TPPP3: variants seen among roughly 807,000 people sequenced by gnomAD.
TPPP3 encodes the protein tubulin polymerization-promoting protein family member 3.
Under a neutral mutation model 13.1 loss-of-function variants are expected in TPPP3, and 7 were observed. That is an observed-to-expected ratio of 0.54 (90% CI 0.30 to 1.01). The LOEUF is 1.01. Ranked by LOEUF, TPPP3 falls within the 50% of genes least tolerant of loss-of-function variation. TPPP3 has a pLI of 0.06. For missense variants in TPPP3, 185 were observed against 235.0 expected (o/e 0.79, Z 1.39); for synonymous variants, 87 against 93.7 (o/e 0.93, Z 0.41).
chr16:67,390,424 G>A lies in TPPP3; in HGVS notation c.342+55C>T. On this transcript the variant is annotated intron_variant, in intron 3 of 3. Transcript: ENST00000393957. The surrounding 1 kb of genome is among the most constrained non-coding windows in gnomAD (Gnocchi z 6.4). ...GGGAGCCCAGCCCTTCCCACCCACA[G>A]CCACGATTCCCCACACCCCATTCCG... The A allele has an allele frequency of 6.2e-6, 10 of 1,606,434 alleles. No individual in the cohort carries two copies. Among genetic ancestry groups the A allele is most frequent in the Non-Finnish European group, 8.5e-6 (10 of 1,174,492 alleles).
rs369294188 is a variant in TPPP3 at position 67,390,408 on chromosome 16, G to A, written c.343-46C>T. ...CAGGGGCACCTGATGAGGGAGCCCA[G>A]CCCTTCCCACCCACAGCCACGATTC... On this transcript the variant is annotated intron_variant, in intron 3 of 3. Transcript: ENST00000393957. This position sits in a 1 kb window ranked among gnomAD's most constrained non-coding sequence, Gnocchi z 6.4. 2.0e-4 allele frequency: 327 copies of A among 1,607,310 alleles called. No individual in the cohort carries two copies. Among genetic ancestry groups the A allele is most frequent in the Non-Finnish European group, 2.6e-4 (307 of 1,175,092 alleles).
Position 67,390,183 on chromosome 16 carries a change from C to T in TPPP3, c.522G>A (p.Val174=). 1 of 1,614,098 alleles carries T rather than the reference C, an allele frequency of 6.2e-7. No homozygotes were observed. The highest frequency in any genetic ancestry group is 1.3e-5 in the African/African-American group (1 of 75,060). Residue 174 remains valine, a synonymous_variant, in exon 4 of 4, where the codon GTG becomes GTA. Coordinates refer to ENST00000393957, the MANE Select transcript of TPPP3 (RefSeq NM_015964.4). This position sits in a 1 kb window ranked among gnomAD's most constrained non-coding sequence, Gnocchi z 6.4. The part of the protein sequence containing the change: ...YKNAGTYDAK[V]KK ...GCGGTCTTCCCAAGCCTCACTTCTT[C>T]ACCTTGGCATCGTAGGTGCCTGCAT...
rs1316136515 is a variant in TPPP3, at chr16:67,392,970, AG to A, written c.-7+409del. ...ACTTGGTTCACCAAGGGTAACGTCCAGGGGAGCTTGGATGCCACAGGGTGCT... is the reference window on the plus strand; with the variant it reads ...ACTTGGTTCACCAAGGGTAACGTCCAGGGAGCTTGGATGCCACAGGGTGCT... On this transcript the variant is annotated intron_variant, in intron 1 of 3. Transcript: ENST00000393957. This position sits in a 1 kb window ranked among gnomAD's most constrained non-coding sequence, Gnocchi z 4.9. 1 of 985,388 alleles carries A rather than the reference AG, an allele frequency of 1.0e-6. No homozygotes were observed. The highest frequency in any genetic ancestry group is 1.7e-5 in the African/African-American group (1 of 57,248). 61.0% of individuals were successfully genotyped at this position (985,388 alleles called of 1,614,324 possible).
In TPPP3 at chr16:67,390,685, G is replaced by A; in HGVS notation, c.189-53C>T. ...TTCCCCTTTCTTTTTTCTCCCCCAG[G>A]GGAAAGCTCAAACACATTTGCTGCC... On this transcript the variant is annotated intron_variant, in intron 2 of 3. Coordinates refer to ENST00000393957, the MANE Select transcript of TPPP3 (RefSeq NM_015964.4). This position sits in a 1 kb window ranked among gnomAD's most constrained non-coding sequence, Gnocchi z 6.4. The A allele has an allele frequency of 1.3e-6, 2 of 1,566,832 alleles. No homozygotes were observed. The highest frequency in any genetic ancestry group is 2.2e-5 in the East Asian group (1 of 44,498).
At position 67,393,076 on chromosome 16, in the gene TPPP3, G is replaced by A. The variant is rs956620581; in HGVS notation, c.-7+304C>T. On this transcript the variant is annotated intron_variant, in intron 1 of 3. Coordinates refer to ENST00000393957, the MANE Select transcript of TPPP3 (RefSeq NM_015964.4). The surrounding 1 kb of genome is among the most constrained non-coding windows in gnomAD (Gnocchi z 5.4). Reference sequence around the variant, plus strand: ...GATGGATTCTTGGTCATCTCAGCGCGGTCAGGTGGCGCTGGGTTGCAGGCC... The same window carrying A: ...GATGGATTCTTGGTCATCTCAGCGCAGTCAGGTGGCGCTGGGTTGCAGGCC... The A allele has an allele frequency of 3.1e-5, 30 of 968,402 alleles. No homozygotes were observed. Among genetic ancestry groups the A allele is most frequent in the Non-Finnish European group, 3.4e-5 (28 of 814,448 alleles). 60.0% of individuals were successfully genotyped at this position (968,402 alleles called of 1,614,324 possible). A position where few individuals can be genotyped will look rare whatever the true frequency, so the allele number is the denominator to read the frequency against.
In TPPP3 at chr16:67,389,995, G is replaced by A. The variant is rs2040304809; in HGVS notation, c.*179C>T. ...GGAGCAGGAAGAGGAGGAGGAAGGG[G>A]CCGCAGAGCAGCCTGGGTCAGAGGC... On this transcript the variant is annotated 3_prime_UTR_variant, in exon 4 of 4. Transcript: ENST00000393957. 2 of 624,942 alleles carry A rather than the reference G, an allele frequency of 3.2e-6. No individual in the cohort carries two copies. The highest frequency in any genetic ancestry group is 3.0e-5 in the Admixed American group (1 of 33,840). 38.7% of individuals were successfully genotyped at this position (624,942 alleles called of 1,614,324 possible).
At position 67,391,220 on chromosome 16, in the gene TPPP3, G is replaced by C; in HGVS notation, c.-6-103C>G. Reference sequence around the variant, plus strand: ...CCTCAAACCTGCAAGACCTGGGCAGGTTCTGCTACAGAGTTGGTGCTGGAG... The same window carrying C: ...CCTCAAACCTGCAAGACCTGGGCAGCTTCTGCTACAGAGTTGGTGCTGGAG... On this transcript the variant is annotated intron_variant, in intron 1 of 3. Transcript: ENST00000393957. The surrounding 1 kb of genome is among the most constrained non-coding windows in gnomAD (Gnocchi z 6.3). The C allele has an allele frequency of 4.1e-6, 5 of 1,231,678 alleles. No homozygotes were observed. Among genetic ancestry groups the C allele is most frequent in the Non-Finnish European group, 5.7e-6 (5 of 883,078 alleles). 76.3% of individuals were successfully genotyped at this position (1,231,678 alleles called of 1,614,324 possible).
chr16:67,393,214 TG>T lies in TPPP3; in HGVS notation c.-7+165del, dbSNP rs1268718027. On this transcript the variant is annotated intron_variant, in intron 1 of 3. Transcript: ENST00000393957. This position sits in a 1 kb window ranked among gnomAD's most constrained non-coding sequence, Gnocchi z 5.4. ...GTCATCAATCAGCCGGACCAGGAGG[TG>T]GGGGCTGCGAGGTGGAATGCTTGGG... 2.9e-6 allele frequency: 2 copies of T among 684,834 alleles called. No homozygotes were observed. Among genetic ancestry groups the T allele is most frequent in the African/African-American group, 2.0e-5 (1 of 51,056 alleles). 42.4% of individuals were successfully genotyped at this position (684,834 alleles called of 1,614,324 possible). A position where few individuals can be genotyped will look rare whatever the true frequency, so the allele number is the denominator to read the frequency against.
Position 67,390,811 on chromosome 16 carries a change from G to A in TPPP3, c.188+113C>T, listed in dbSNP as rs766563944. The A allele has an allele frequency of 8.0e-5, 113 of 1,409,388 alleles. 1 individual carries two copies. Among genetic ancestry groups the A allele is most frequent in the Non-Finnish European group, 7.9e-5 (83 of 1,050,182 alleles). The allele number at this position is 1,409,388 out of a possible 1,614,324, so 87.3% of individuals were successfully genotyped here. A position where few individuals can be genotyped will look rare whatever the true frequency, so the allele number is the denominator to read the frequency against. ...GATATAAGGTTTGCCCTGGAAGAAC[G>A]ACCTTCGTGATCATGGTGTTTCCCT... On this transcript the variant is annotated intron_variant, in intron 2 of 3. Transcript: ENST00000393957. The surrounding 1 kb of genome is among the most constrained non-coding windows in gnomAD (Gnocchi z 6.4).
Position 67,393,093 on chromosome 16 carries a change from TTGCAGGCCGCAGCCCCATGGGTC to T in TPPP3, c.-7+264_-7+286del. On this transcript the variant is annotated intron_variant, in intron 1 of 3. Transcript: ENST00000393957. This position sits in a 1 kb window ranked among gnomAD's most constrained non-coding sequence, Gnocchi z 5.4. ...CTCAGCGCGGTCAGGTGGCGCTGGG[TTGCAGGCCGCAGCCCCATGGGTC>T]TGCAGGCCATGGATGGAGTGGCCAC... is the stretch of plus-strand genomic sequence containing the variant. The T allele has an allele frequency of 2.2e-6, 2 of 927,224 alleles. No homozygotes were observed. The highest frequency in any genetic ancestry group is 5.0e-5 in the South Asian group (1 of 20,190). The allele number at this position is 927,224 out of a possible 1,614,324, so 57.4% of individuals were successfully genotyped here. A position where few individuals can be genotyped will look rare whatever the true frequency, so the allele number is the denominator to read the frequency against.
In TPPP3 at chr16:67,390,240, C is replaced by T. The variant is rs1405049771; in HGVS notation, c.465G>A (p.Leu155=). ...AGGCGCTCACGTAGCCACTGTCGTC[C>T]AGGATGTCCTGCCGTCCCGCAATGC... ...GKGIAGRQDI[L]DDSGYVSAYK... is the part of the protein sequence containing the mutation. The change falls in exon 4 of 4, where the codon CTG becomes CTA. Residue 155 remains leucine (L), a synonymous_variant. Coordinates refer to ENST00000393957, the MANE Select transcript of TPPP3 (RefSeq NM_015964.4). This position sits in a 1 kb window ranked among gnomAD's most constrained non-coding sequence, Gnocchi z 6.4. 13 of 1,614,114 alleles carry T rather than the reference C, an allele frequency of 8.1e-6. No individual in the cohort carries two copies. Among genetic ancestry groups the T allele is most frequent in the Non-Finnish European group, 1.0e-5 (12 of 1,180,042 alleles).
rs754672026 is a variant in TPPP3, at chr16:67,391,048, C to T, written c.64G>A (p.Asp22Asn). Residue 22 changes from aspartate (D) to asparagine (N), a missense_variant, in exon 2 of 4, where the codon GAC (aspartate) becomes AAC (asparagine). By Grantham distance (23) the Asp-to-Asn change is conservative. Coordinates refer to ENST00000393957, the MANE Select transcript of TPPP3 (RefSeq NM_015964.4). This position sits in a 1 kb window ranked among gnomAD's most constrained non-coding sequence, Gnocchi z 6.3. ...ATCTCTTGCCCACTGGCCTTGGGGT[C>T]ACCATGGATGGCAAACTTGCGGAAG... is the stretch of plus-strand genomic sequence containing the variant. ...ESFRKFAIHG[D>N]PKASGQEMNG... is the part of the protein sequence containing the mutation. 4.5e-5 allele frequency: 73 copies of T among 1,614,132 alleles called. No homozygotes were observed. The highest frequency in any genetic ancestry group is 6.0e-5 in the Non-Finnish European group (71 of 1,180,046).
In TPPP3 at chr16:67,390,632, CCT is replaced by C. The variant is rs768426552; in HGVS notation, c.189-2_189-1del. The C allele has an allele frequency of 1.9e-6, 3 of 1,612,024 alleles. No individual in the cohort carries two copies. The highest frequency in any genetic ancestry group is 3.3e-5 in the Admixed American group (2 of 59,750). On this transcript the variant is annotated splice_acceptor_variant, in intron 2 of 3. Coordinates refer to ENST00000393957, the MANE Select transcript of TPPP3 (RefSeq NM_015964.4). LOFTEE classifies it high-confidence loss of function. The surrounding 1 kb of genome is among the most constrained non-coding windows in gnomAD (Gnocchi z 6.4). ...AGTTGATGACCCGAGCAGACTTCCCCCTGACAGGCATGTGGGCACCATGAGGG... is the reference window on the plus strand; with the variant it reads ...AGTTGATGACCCGAGCAGACTTCCCCGACAGGCATGTGGGCACCATGAGGG...
Position 67,391,413 on chromosome 16 carries a change from G to T in TPPP3, c.-6-296C>A. On this transcript the variant is annotated intron_variant, in intron 1 of 3. Transcript: ENST00000393957. The surrounding 1 kb of genome is among the most constrained non-coding windows in gnomAD (Gnocchi z 6.3). ...CAGAGTGGCACTGTCCAGAAAGACT[G>T]TTAGGGCAGCAGCTGGGGCCCTGGC... 3.3e-6 allele frequency: 1 copy of T among 305,322 alleles called. No homozygotes were observed. The highest frequency in any genetic ancestry group is 6.1e-6 in the Non-Finnish European group (1 of 164,312). The allele number at this position is 305,322 out of a possible 1,614,324, so 18.9% of individuals were successfully genotyped here. A position where few individuals can be genotyped will look rare whatever the true frequency, so the allele number is the denominator to read the frequency against.
Position 67,390,744 on chromosome 16 carries a change from G to A in TPPP3, c.189-112C>T, listed in dbSNP as rs892292842. ...TTATGCAATTGCGTTTCTTTCCCAC[G>A]TTTGGGGAAGTCGCAGGGGTCAGCA... On this transcript the variant is annotated intron_variant, in intron 2 of 3. Transcript: ENST00000393957. This position sits in a 1 kb window ranked among gnomAD's most constrained non-coding sequence, Gnocchi z 6.4. 9.4e-6 allele frequency: 14 copies of A among 1,497,060 alleles called. No individual in the cohort carries two copies. The highest frequency in any genetic ancestry group is 9.2e-5 in the South Asian group (7 of 76,068). 92.7% of individuals were successfully genotyped at this position (1,497,060 alleles called of 1,614,324 possible).
In TPPP3 at chr16:67,390,158, G is replaced by T. The variant is rs928525487; in HGVS notation, c.*16C>A. 1 of 1,610,672 alleles carries T rather than the reference G, an allele frequency of 6.2e-7. No individual in the cohort carries two copies. The highest frequency in any genetic ancestry group is 8.5e-7 in the Non-Finnish European group (1 of 1,177,392). On this transcript the variant is annotated 3_prime_UTR_variant, in exon 4 of 4. Transcript: ENST00000393957. This position sits in a 1 kb window ranked among gnomAD's most constrained non-coding sequence, Gnocchi z 6.4. The stretch of plus-strand genomic sequence containing the variant: ...GGCAGGGGCAGCCGCACTTGGCAGG[G>T]CGGTCTTCCCAAGCCTCACTTCTTC...
Position 67,390,361 on chromosome 16 carries a change from T to C in TPPP3, c.344A>G (p.Lys115Arg), listed in dbSNP as rs1009769452. The C allele has an allele frequency of 6.2e-7, 1 of 1,613,462 alleles. No individual in the cohort carries two copies. The highest frequency in any genetic ancestry group is 8.5e-7 in the Non-Finnish European group (1 of 1,179,446). Reference protein sequence around the residue: ...GKEPANVGVTKAKTGGAVDRL... With the variant: ...GKEPANVGVTRAKTGGAVDRL... ...GTCTACAGCACCCCCTGTTTTTGCTTTCTGTTTGGACAGAGTTTCCCCAGG... is the reference window on the plus strand; with the variant it reads ...GTCTACAGCACCCCCTGTTTTTGCTCTCTGTTTGGACAGAGTTTCCCCAGG... The change falls in exon 4 of 4, where the codon AAA (lysine) becomes AGA (arginine). Residue 115 changes from lysine (K) to arginine (R), a missense_variant and splice_region_variant. Lys to Arg is a conservative substitution (Grantham distance 26). Coordinates refer to ENST00000393957, the MANE Select transcript of TPPP3 (RefSeq NM_015964.4). The surrounding 1 kb of genome is among the most constrained non-coding windows in gnomAD (Gnocchi z 6.4).
In TPPP3 at chr16:67,391,196, C is replaced by G. The variant is rs2040324990; in HGVS notation, c.-6-79G>C. On this transcript the variant is annotated intron_variant, in intron 1 of 3. Transcript: ENST00000393957. The surrounding 1 kb of genome is among the most constrained non-coding windows in gnomAD (Gnocchi z 6.3). ...AAGCCCAGAACATCCCAGCCTCTAC[C>G]TCAAACCTGCAAGACCTGGGCAGGT... The G allele has an allele frequency of 7.0e-7, 1 of 1,430,906 alleles. No homozygotes were observed. The highest frequency in any genetic ancestry group is 9.6e-7 in the Non-Finnish European group (1 of 1,042,808). 88.6% of individuals were successfully genotyped at this position (1,430,906 alleles called of 1,614,324 possible). A position where few individuals can be genotyped will look rare whatever the true frequency, so the allele number is the denominator to read the frequency against.
chr16:67,391,192 C>T lies in TPPP3; in HGVS notation c.-6-75G>A. On this transcript the variant is annotated intron_variant, in intron 1 of 3. Transcript: ENST00000393957. The surrounding 1 kb of genome is among the most constrained non-coding windows in gnomAD (Gnocchi z 6.3). ...CCCCAAGCCCAGAACATCCCAGCCT[C>T]TACCTCAAACCTGCAAGACCTGGGC... The T allele has an allele frequency of 6.8e-7, 1 of 1,469,312 alleles. No homozygotes were observed. Among genetic ancestry groups the T allele is most frequent in the Non-Finnish European group, 9.3e-7 (1 of 1,073,202 alleles). 91.0% of individuals were successfully genotyped at this position (1,469,312 alleles called of 1,614,324 possible).
Sources: gnomAD v4.1 joint callset for allele counts on GRCh38, gnomAD v4.1.1 for gene constraint, Gnocchi (gnomAD v3.1) non-coding constraint, MANE v1.5 for transcripts, NCBI Gene and HGNC (gene_info 2026-07-23, HGNC 2026-07-21) for gene names.